SORCS3: variants seen among roughly 807,000 people sequenced by gnomAD.
The protein encoded by SORCS3 is sortilin related VPS10 domain containing receptor 3.
A neutral mutation model predicts 146.3 loss-of-function variants in SORCS3; 57 were observed. The observed-to-expected ratio is 0.39, with a 90% CI of 0.31 to 0.49. The LOEUF (loss-of-function observed/expected upper bound fraction) is 0.49, where lower values mean the gene tolerates loss of function less well. Among genes scored for constraint, SORCS3 ranks in the 20% least tolerant of loss-of-function variants. The probability of loss-of-function intolerance (pLI) is 0.92; values close to 1 mark genes in which losing one functional copy is unlikely to be tolerated. For missense variants in SORCS3, 1,341 were observed against 1,575.5 expected (o/e 0.85, Z 2.52); for synonymous variants, 653 against 618.5 (o/e 1.06, Z -0.83).
chr10:104,758,703 G>T (rs1472624207), intron 1 of SORCS3, among the ~76,000 whole-genome samples: 1 of 152,132 alleles, frequency 6.6e-6, no homozygotes, highest in African/African-American at 2.4e-5. Context: ...TGATCTAGCT[G>T]GTACTTTGGG....
At chr10:104,851,481 A>C (rs1486665196) in intron 2 of SORCS3, among the ~76,000 whole-genome samples, 1 of 152,232 alleles carries the variant, frequency 6.6e-6, no homozygotes, top group Non-Finnish European at 1.5e-5. Context: ...TTTTCTCAGC[A>C]GTCAATTCAT....
chr10:105,251,704 C>T (rs2056899526), intron 22 of SORCS3, among the ~76,000 whole-genome samples: 1 of 152,136 alleles, frequency 6.6e-6, no homozygotes, highest in South Asian at 2.1e-4. Context: ...AAAGAACAAG[C>T]TTACCCTTCA....
chr10:105,237,398 G>A (rs1456242770), intron 20 of SORCS3, among the ~76,000 whole-genome samples: 1 of 152,154 alleles, frequency 6.6e-6, no homozygotes, highest in Non-Finnish European at 1.5e-5. Context: ...GAACACATCC[G>A]AGCATTTGGA....
intron 20 of SORCS3, among the ~76,000 whole-genome samples, chr10:105,235,436 CTGTGTGTGTG>C (rs5787570): frequency 2.1e-5 from 3 of 141,234 alleles, no homozygotes; most frequent in Non-Finnish European, 3.1e-5. Flanking sequence ...AACTCTCAGA[CTGTGTGTGTG>C]TGTGTGTGTG....
chr10:104,780,947 A>G (rs1461143374), intron 1 of SORCS3, among the ~76,000 whole-genome samples: 2 of 152,246 alleles, frequency 1.3e-5, no homozygotes, highest in Non-Finnish European at 2.9e-5. Flanking sequence ...CAGCACAGCT[A>G]GGAATAATAT....
intron 5 of SORCS3, among the ~76,000 whole-genome samples, chr10:105,047,522 T>C (rs1462841548): frequency 1.3e-5 from 2 of 152,112 alleles, no homozygotes; most frequent in African/African-American, 2.4e-5. Context: ...GGAACTTCAA[T>C]TCTTACCCCT....
chr10:105,097,844 C>T (rs957902095), intron 6 of SORCS3, among the ~76,000 whole-genome samples: 7 of 152,150 alleles, frequency 4.6e-5, no homozygotes, highest in Middle Eastern at 3.2e-3. Context: ...CCATGGGGCA[C>T]TGTGATAAGT....
chr10:104,652,070 T>C (rs747885832), intron 1 of SORCS3, among the ~76,000 whole-genome samples: 38 of 151,698 alleles, frequency 2.5e-4, no homozygotes, highest in Non-Finnish European at 4.0e-4. Context: ...TGTGTGTGTG[T>C]GTGTGTGTGT....
chr10:104,872,662 C>T (rs934608899), intron 2 of SORCS3, among the ~76,000 whole-genome samples: 3 of 148,956 alleles, frequency 2.0e-5, no homozygotes, highest in East Asian at 2.0e-4. Context: ...ATAACAAAGG[C>T]GAGTGAAGGA....
intron 1 of SORCS3, among the ~76,000 whole-genome samples, chr10:104,703,259 G>A (rs1438279822): frequency 1.3e-5 from 2 of 152,092 alleles, no homozygotes; most frequent in African/African-American, 4.8e-5. Flanking sequence ...TAGGTCAAAT[G>A]GTATTTCTGG....
At chr10:105,159,550 G>C (rs1031815656) in intron 11 of SORCS3, among the ~76,000 whole-genome samples, 6 of 152,198 alleles carry the variant, frequency 3.9e-5, no homozygotes, top group Non-Finnish European at 7.3e-5. Flanking sequence ...TGAAGATAAA[G>C]CAACTCTGAG....
chr10:105,244,571 T>C (rs2056854810), intron 20 of SORCS3, among the ~76,000 whole-genome samples: 1 of 152,248 alleles, frequency 6.6e-6, no homozygotes, highest in African/African-American at 2.4e-5. Context: ...TCTGTCTTCA[T>C]CCTTGAGAAC....
At chr10:105,242,988 T>C (rs1197960927) in intron 20 of SORCS3, among the ~76,000 whole-genome samples, 1 of 128,764 alleles carries the variant, frequency 7.8e-6, no homozygotes, top group Non-Finnish European at 1.6e-5. Flanking sequence ...TTATATATAA[T>C]ATATATTTAT....
At chr10:105,219,646 C>T (rs893963179) in intron 19 of SORCS3, among the ~76,000 whole-genome samples, 1 of 152,188 alleles carries the variant, frequency 6.6e-6, no homozygotes, top group Non-Finnish European at 1.5e-5. Flanking sequence ...TGCCTATCAC[C>T]CAGCTTGGTG....
intron 1 of SORCS3, among the ~76,000 whole-genome samples, chr10:104,763,448 G>A (rs1162816393): frequency 6.6e-6 from 1 of 152,182 alleles, no homozygotes; most frequent in African/African-American, 2.4e-5. Context: ...CTTACAAATA[G>A]TCAAGGATCT....
intron 4 of SORCS3, among the ~76,000 whole-genome samples, chr10:105,032,755 GA>G (rs1303583731): frequency 6.6e-6 from 1 of 152,062 alleles, no homozygotes; most frequent in Non-Finnish European, 1.5e-5. Flanking sequence ...CTTTGGGAAG[GA>G]AAAACAAATC....
chr10:104,706,100 T>G (rs1253110184), intron 1 of SORCS3, among the ~76,000 whole-genome samples: 1 of 152,074 alleles, frequency 6.6e-6, no homozygotes, highest in African/African-American at 2.4e-5. Flanking sequence ...GGATGACCTC[T>G]TTGCCATTCC....
intron 5 of SORCS3, among the ~76,000 whole-genome samples, chr10:105,067,482 G>A (rs2055529941): frequency 6.6e-6 from 1 of 152,210 alleles, no homozygotes; most frequent in Non-Finnish European, 1.5e-5. Context: ...AGTTGAGAGT[G>A]TGCCACTGCA....
In SORCS3 at chr10:105,016,155, A is replaced by ATTTTT. The variant is rs10625699; in HGVS notation, c.955-26889_955-26885dup. On this transcript the variant is annotated intron_variant, in intron 4 of 26. Coordinates refer to ENST00000369701, the MANE Select transcript of SORCS3 (RefSeq NM_014978.3). ...TATAAATATATATATATATATATAT[A>ATTTTT]TTTTTTTTTTTTTTTGAGATGGAGT... 6.5e-3 allele frequency among the ~76,000 whole-genome samples: 661 copies of ATTTTT among 101,304 alleles called. 16 individuals are homozygous for ATTTTT. Among genetic ancestry groups the ATTTTT allele is most frequent in the Admixed American group, 0.016 (162 of 9,966 alleles). The allele number at this position is 101,304 out of a possible 152,430, so 66.5% of individuals were successfully genotyped here. A position where few individuals can be genotyped will look rare whatever the true frequency, so the allele number is the denominator to read the frequency against.
Sources: gnomAD v4.1 joint callset for allele counts (sites outside exome capture counted in the v4.1 genomes callset) on GRCh38, gnomAD v4.1.1 for gene constraint, MANE v1.5 for transcripts, NCBI Gene and HGNC (gene_info 2026-07-23, HGNC 2026-07-21) for gene names.